SYT16: variants seen among roughly 807,000 people sequenced by gnomAD.
The protein encoded by SYT16 is synaptotagmin 16, also known as synaptotagmin-16.
SYT16 carries 42 observed loss-of-function variants against 61.4 expected under a neutral mutation model. That is an observed-to-expected ratio of 0.68 (90% CI 0.53 to 0.89). SYT16 has a LOEUF of 0.89. SYT16 is among the 40% of genes least tolerant of loss of function. SYT16 has a pLI of 0.00. For synonymous variants in SYT16, 314 were observed against 302.3 expected (o/e 1.04, Z -0.40); for missense variants, 804 against 807.3 (o/e 1.00, Z 0.05).
intron 2 of SYT16, among the ~76,000 whole-genome samples, chr14:61,976,098 G>T (rs2051782756): frequency 6.6e-6 from 1 of 152,194 alleles, no homozygotes; most frequent in South Asian, 2.1e-4. Flanking sequence ...AAATCCAGTG[G>T]GGCAGTCAAA....
chr14:61,858,120 CAAA>C (rs34781118), intron 1 of SYT16, among the ~76,000 whole-genome samples: 3 of 43,228 alleles, frequency 6.9e-5, no homozygotes, highest in Non-Finnish European at 1.1e-4. Context: ...CACAGCTTGG[CAAA>C]AAAAAAAAAA....
At chr14:62,051,284 A>C (rs1481767491) in intron 3 of SYT16, among the ~76,000 whole-genome samples, 1 of 152,204 alleles carries the variant, frequency 6.6e-6, no homozygotes, top group Non-Finnish European at 1.5e-5. Context: ...TGCGGGATAT[A>C]ATCTCCTGGT....
At chr14:62,033,438 A>G (rs2054382649) in intron 3 of SYT16, among the ~76,000 whole-genome samples, 2 of 152,210 alleles carry the variant, frequency 1.3e-5, no homozygotes, top group African/African-American at 4.8e-5. Flanking sequence ...TTACTTGGTT[A>G]TAAAAAAGGA....
intron 2 of SYT16, among the ~76,000 whole-genome samples, chr14:61,989,551 A>G (rs113868171): frequency 0.024 from 3,660 of 152,296 alleles, 83 homozygotes; most frequent in Non-Finnish European, 0.037. Flanking sequence ...CAACAGAGCA[A>G]GACTCCACCT....
At chr14:62,059,347 T>C (rs889029967) in intron 3 of SYT16, among the ~76,000 whole-genome samples, 13 of 152,328 alleles carry the variant, frequency 8.5e-5, no homozygotes, top group African/African-American at 1.9e-4. Flanking sequence ...AGGCCATTTG[T>C]ACACATTAAT....
chr14:61,977,058 G>A lies in SYT16; in HGVS notation c.-145+6747G>A, dbSNP rs537406024. Among the ~76,000 whole-genome samples, 18 of 152,278 alleles carry A rather than the reference G, an allele frequency of 1.2e-4. 1 individual carries two copies. Among genetic ancestry groups the A allele is most frequent in the Admixed American group, 1.2e-3 (18 of 15,296 alleles). ...CTAAAGCATAGCAAGGGTGGCCTTT[G>A]CTCCTGTTTCCAAGAAGTTCCTCAT... On this transcript the variant is annotated intron_variant, in intron 2 of 7. Transcript: ENST00000683842.
intron 7 of SYT16, among the ~76,000 whole-genome samples, chr14:62,093,108 T>C (rs1274918704): frequency 5.3e-5 from 8 of 152,078 alleles, no homozygotes; most frequent in Non-Finnish European, 1.2e-4. Context: ...TGCTCAATTT[T>C]GTTAAGAAAC....
intron 3 of SYT16, among the ~76,000 whole-genome samples, chr14:62,015,581 C>T (rs2140729187): frequency 6.6e-6 from 1 of 152,224 alleles, no homozygotes; most frequent in Non-Finnish European, 1.5e-5. Flanking sequence ...AACATAGTCC[C>T]CAGTATGATG....
At chr14:62,059,744 T>G (rs2055738660) in intron 3 of SYT16, among the ~76,000 whole-genome samples, 1 of 145,534 alleles carries the variant, frequency 6.9e-6, no homozygotes, top group East Asian at 2.0e-4. Flanking sequence ...TATAAATTAA[T>G]CAAAATCATA....
chr14:61,963,923 C>A (rs751813900), intron 1 of SYT16, among the ~76,000 whole-genome samples: 1 of 152,124 alleles, frequency 6.6e-6, no homozygotes, highest in Non-Finnish European at 1.5e-5. Flanking sequence ...AGAAATGGAA[C>A]AACAAAGCCT....
chr14:61,918,142 C>T (rs931623522), intron 1 of SYT16, among the ~76,000 whole-genome samples: 1 of 152,110 alleles, frequency 6.6e-6, no homozygotes, highest in Admixed American at 6.6e-5. Context: ...GTAACCAAAG[C>T]TTTGGCAGGA....
intron 1 of SYT16, among the ~76,000 whole-genome samples, chr14:61,903,361 G>C (rs751104774): frequency 6.6e-6 from 1 of 151,998 alleles, no homozygotes; most frequent in Non-Finnish European, 1.5e-5. Context: ...GTAGACTGTG[G>C]CTTCCGCCTT....
chr14:61,951,986 G>A (rs1461209368), intron 1 of SYT16, among the ~76,000 whole-genome samples: 4 of 151,948 alleles, frequency 2.6e-5, no homozygotes, highest in East Asian at 1.9e-4. Context: ...GACAGGTTTC[G>A]CCATGTTGCC....
intron 3 of SYT16, among the ~76,000 whole-genome samples, chr14:62,045,879 T>G (rs1049117723): frequency 2.0e-5 from 3 of 152,190 alleles, no homozygotes; most frequent in African/African-American, 7.2e-5. Context: ...TGGTTCCAAG[T>G]CTTTGCTATT....
intron 1 of SYT16, among the ~76,000 whole-genome samples, chr14:61,816,037 T>G (rs1433841790): frequency 6.6e-6 from 1 of 152,188 alleles, no homozygotes; most frequent in Admixed American, 6.5e-5. Flanking sequence ...CAGGTGGATG[T>G]GTCTTTGGGG....
intron 1 of SYT16, among the ~76,000 whole-genome samples, chr14:61,868,717 A>T (rs1407457788): frequency 6.6e-6 from 1 of 152,016 alleles, no homozygotes; most frequent in East Asian, 1.9e-4. Flanking sequence ...TGTTGCCCAG[A>T]TTATGGTCTG....
intron 3 of SYT16, among the ~76,000 whole-genome samples, chr14:62,003,035 G>C (rs112045438): frequency 0.078 from 11,854 of 152,076 alleles, 641 homozygotes; most frequent in Middle Eastern, 0.13. Flanking sequence ...CCATGATTCA[G>C]TTACCTCCCT....
In SYT16 at chr14:62,111,603, G is replaced by T. The variant is rs185771407; in HGVS notation, c.*10896G>T. 2 of 152,070 alleles carry T rather than the reference G, an allele frequency of 1.3e-5. No homozygotes were observed. Among genetic ancestry groups the T allele is most frequent in the Non-Finnish European group, 2.9e-5 (2 of 67,940 alleles). 9.4% of individuals were successfully genotyped at this position (152,070 alleles called of 1,614,324 possible). A position where few individuals can be genotyped will look rare whatever the true frequency, so the allele number is the denominator to read the frequency against. On this transcript the variant is annotated 3_prime_UTR_variant, in exon 8 of 8. Transcript: ENST00000683842. ...CCTCTAGATTTCTAAGTCACTAGAAGAATTTCTTGGCAAATTGATTGTTCA... is the reference window on the plus strand; with the variant it reads ...CCTCTAGATTTCTAAGTCACTAGAATAATTTCTTGGCAAATTGATTGTTCA...
chr14:61,845,762 G>C (rs1452394381), intron 1 of SYT16, among the ~76,000 whole-genome samples: 3 of 151,930 alleles, frequency 2.0e-5, no homozygotes, highest in African/African-American at 7.3e-5. Context: ...TGCATTATTA[G>C]GTTGTTTATT....
Sources: gnomAD v4.1 joint callset for allele counts (sites outside exome capture counted in the v4.1 genomes callset) on GRCh38, gnomAD v4.1.1 for gene constraint, MANE v1.5 for transcripts, NCBI Gene and HGNC (gene_info 2026-07-23, HGNC 2026-07-21) for gene names.